PEBP4: variants seen among roughly 807,000 people sequenced by gnomAD.
PEBP4 encodes the protein phosphatidylethanolamine-binding protein 4.
A neutral mutation model predicts 23.9 loss-of-function variants in PEBP4; 22 were observed. The ratio of observed to expected loss-of-function variants is 0.92; its 90% CI spans 0.66 to 1.31. The LOEUF is 1.31. PEBP4 is among the 40% of genes most tolerant of loss of function. The pLI, the probability that PEBP4 is intolerant of heterozygous loss-of-function variation, is 0.00. For synonymous variants in PEBP4, 112 were observed against 99.3 expected (o/e 1.13, Z -0.76); for missense variants, 324 against 281.7 (o/e 1.15, Z -1.07).
intron 5 of PEBP4, 71 bp downstream of exon 5, chr8:22,727,104 A>G: frequency 6.5e-7 from 1 of 1,539,696 alleles, no homozygotes; most frequent in Non-Finnish European, 9.0e-7. Flanking sequence ...AAGCAGCACC[A>G]TGAGGTTTTG....
At chr8:22,893,465 A>G (rs999761258) in intron 3 of PEBP4, among the ~76,000 whole-genome samples, 1 of 152,242 alleles carries the variant, frequency 6.6e-6, no homozygotes, top group African/African-American at 2.4e-5. Context: ...ACAAAAAACA[A>G]TCAATTGAAA....
intron 3 of PEBP4, among the ~76,000 whole-genome samples, chr8:22,832,793 G>A (rs963786048): frequency 2.6e-5 from 4 of 152,148 alleles, no homozygotes; most frequent in Non-Finnish European, 5.9e-5. Context: ...CTGACCTGGA[G>A]AGACTGCCCT....
rs1805806158 is a variant in PEBP4, at chr8:22,775,896, A to C, written c.357+41741T>G. ...GGTTTCCCGTTCTGGAGGCGCCGGC[A>C]GTGAGCTTCTCTGGGCCATCTGTCC... On this transcript the variant is annotated intron_variant, in intron 4 of 6. Transcript: ENST00000256404. The surrounding 1 kb of genome is among the most constrained non-coding windows in gnomAD (Gnocchi z 4.8). Among the ~76,000 whole-genome samples the C allele has an allele frequency of 6.6e-6, 1 of 152,110 alleles. No homozygotes were observed. The highest frequency in any genetic ancestry group is 2.4e-5 in the African/African-American group (1 of 41,410).
chr8:22,740,206 G>A (rs1369635020), intron 4 of PEBP4, among the ~76,000 whole-genome samples: 4 of 152,202 alleles, frequency 2.6e-5, no homozygotes, highest in Admixed American at 2.0e-4. Context: ...TGGAAGAAAG[G>A]TCAGGAATTT....
chr8:22,728,745 C>T (rs1804675851), intron 4 of PEBP4, among the ~76,000 whole-genome samples: 1 of 151,970 alleles, frequency 6.6e-6, no homozygotes, highest in South Asian at 2.1e-4. Context: ...TTATAGGTGC[C>T]CACCACCACG....
chr8:22,723,561 G>A (rs373028695), intron 6 of PEBP4, among the ~76,000 whole-genome samples: 45 of 152,336 alleles, frequency 3.0e-4, no homozygotes, highest in African/African-American at 9.6e-4. Flanking sequence ...GAATGTCATA[G>A]GCTGAGGTCC....
At chr8:22,733,268 A>G (rs572683133) in intron 4 of PEBP4, among the ~76,000 whole-genome samples, 25 of 152,338 alleles carry the variant, frequency 1.6e-4, no homozygotes, top group Admixed American at 1.5e-3. Flanking sequence ...GTATAGTCCA[A>G]GTCCGTGGGC....
At chr8:22,790,145 G>A (rs1806110417) in intron 4 of PEBP4, among the ~76,000 whole-genome samples, 1 of 152,212 alleles carries the variant, frequency 6.6e-6, no homozygotes, top group South Asian at 2.1e-4. Flanking sequence ...TCATATGCCT[G>A]TTAACTTCCT....
intron 4 of PEBP4, among the ~76,000 whole-genome samples, chr8:22,793,173 C>T (rs1257426176): frequency 6.6e-6 from 1 of 152,160 alleles, no homozygotes; most frequent in Non-Finnish European, 1.5e-5. Context: ...GCTCTAATTA[C>T]TTTTCATTTG....
At chr8:22,933,912 G>C (rs369124015) in intron 1 of PEBP4, among the ~76,000 whole-genome samples, 3 of 152,130 alleles carry the variant, frequency 2.0e-5, no homozygotes, top group Non-Finnish European at 4.4e-5. Context: ...TCTGCTGGCC[G>C]GAAGACTGGG....
Position 22,714,611 on chromosome 8 carries a change from G to A in PEBP4, c.518-1075C>T, listed in dbSNP as rs111768159. Among the ~76,000 whole-genome samples the A allele has an allele frequency of 2.4e-3, 362 of 151,990 alleles. 7 individuals are homozygous for A. Among genetic ancestry groups the A allele is most frequent in the African/African-American group, 6.7e-3 (276 of 41,412 alleles). On this transcript the variant is annotated intron_variant, in intron 6 of 6. Transcript: ENST00000256404. Reference sequence around the variant, plus strand: ...AGAGTGCCTGGGGAAGATCCTGTCCGGAGCAGAGCTAGGCAGTGGTCGATA... The same window carrying A: ...AGAGTGCCTGGGGAAGATCCTGTCCAGAGCAGAGCTAGGCAGTGGTCGATA...
At chr8:22,788,382 C>T (rs1384713503) in intron 4 of PEBP4, among the ~76,000 whole-genome samples, 2 of 152,064 alleles carry the variant, frequency 1.3e-5, no homozygotes, top group African/African-American at 2.4e-5. Flanking sequence ...TGCTCTTAGG[C>T]GGAAGCCGTG....
chr8:22,907,705 T>G (rs769764345), intron 3 of PEBP4, among the ~76,000 whole-genome samples: 7 of 152,034 alleles, frequency 4.6e-5, no homozygotes, highest in Admixed American at 1.3e-4. Context: ...TTGAAGGATT[T>G]TGAGCAGAGG....
intron 3 of PEBP4, 121 bp from the exon 4 acceptor site, chr8:22,817,856 C>T (rs1806777564): frequency 2.4e-6 from 2 of 824,572 alleles, no homozygotes; most frequent in Non-Finnish European, 4.0e-6. Flanking sequence ...TATGGCGTCC[C>T]ATCCAGTTTA....
chr8:22,743,182 C>A (rs893592837), intron 4 of PEBP4, among the ~76,000 whole-genome samples: 2 of 152,276 alleles, frequency 1.3e-5, no homozygotes, highest in East Asian at 3.9e-4. Flanking sequence ...CCTTGGGCTG[C>A]CCAGCTGCTG....
intron 4 of PEBP4, among the ~76,000 whole-genome samples, chr8:22,778,273 A>G (rs542717284): frequency 4.6e-5 from 7 of 151,974 alleles, no homozygotes; most frequent in African/African-American, 7.2e-5. Flanking sequence ...AAAGTCCCCA[A>G]CTGCCCCCGG....
At chr8:22,822,207 T>C (rs1806873956) in intron 3 of PEBP4, among the ~76,000 whole-genome samples, 2 of 152,142 alleles carry the variant, frequency 1.3e-5, no homozygotes, top group African/African-American at 4.8e-5. Flanking sequence ...ATAATGACCG[T>C]TGGATTTTAA....
intron 4 of PEBP4, among the ~76,000 whole-genome samples, chr8:22,765,111 T>TCC (rs1276673466): frequency 6.9e-5 from 10 of 145,112 alleles, no homozygotes; most frequent in African/African-American, 7.8e-5. Flanking sequence ...CTTCCTTCCT[T>TCC]TATTTCTTCC....
intron 6 of PEBP4, among the ~76,000 whole-genome samples, chr8:22,719,009 G>T (rs1804468517): frequency 2.6e-5 from 4 of 152,246 alleles, no homozygotes; most frequent in Admixed American, 2.0e-4. Context: ...ACCGAGGCCT[G>T]CATGCCTTCA....
Sources: gnomAD v4.1 joint callset for allele counts (sites outside exome capture counted in the v4.1 genomes callset) on GRCh38, gnomAD v4.1.1 for gene constraint, Gnocchi (gnomAD v3.1) non-coding constraint, MANE v1.5 for transcripts, NCBI Gene and HGNC (gene_info 2026-07-23, HGNC 2026-07-21) for gene names.